BFSP2: variants seen among roughly 807,000 people sequenced by gnomAD.
BFSP2 encodes the protein phakinin.
A neutral mutation model predicts 44.9 loss-of-function variants in BFSP2; 38 were observed. The ratio of observed to expected loss-of-function variants is 0.85; its 90% CI spans 0.65 to 1.11. BFSP2 has a LOEUF of 1.11. Ranked by LOEUF, BFSP2 falls within the 50% of genes least tolerant of loss-of-function variation. The probability of loss-of-function intolerance (pLI) is 0.00; values close to 1 mark genes in which losing one functional copy is unlikely to be tolerated. For synonymous variants in BFSP2, 197 were observed against 209.9 expected (o/e 0.94, Z 0.53); for missense variants, 525 against 533.0 (o/e 0.99, Z 0.15).
At chr3:133,412,760 C>T (rs918622739) in intron 1 of BFSP2, among the ~76,000 whole-genome samples, 4 of 152,220 alleles carry the variant, frequency 2.6e-5, no homozygotes, top group African/African-American at 4.8e-5. Context: ...GTTCAAGAAA[C>T]GGCCGGTGGT....
At chr3:133,435,679 T>A (rs1037177097) in intron 1 of BFSP2, among the ~76,000 whole-genome samples, 5 of 152,256 alleles carry the variant, frequency 3.3e-5, no homozygotes, top group Non-Finnish European at 7.3e-5. Flanking sequence ...TGGTGTCAGC[T>A]ATTCTTTCTG....
chr3:133,462,040 T>C (rs529545834), intron 4 of BFSP2, among the ~76,000 whole-genome samples: 1 of 131,558 alleles, frequency 7.6e-6, no homozygotes, highest in East Asian at 2.3e-4. Context: ...TGCAGCGATC[T>C]AGAATTTTGC....
chr3:133,411,337 G>A (rs1294619384), intron 1 of BFSP2, among the ~76,000 whole-genome samples: 1 of 151,676 alleles, frequency 6.6e-6, no homozygotes, highest in African/African-American at 2.4e-5. Context: ...AATAAAGAGA[G>A]GAATTATCTT....
chr3:133,469,273 C>G (rs2074140603), intron 5 of BFSP2, among the ~76,000 whole-genome samples: 1 of 152,230 alleles, frequency 6.6e-6, no homozygotes, highest in South Asian at 2.1e-4. Flanking sequence ...AGGTAACAAA[C>G]TCTCATACAG....
chr3:133,421,915 T>C (rs974320023), intron 1 of BFSP2, among the ~76,000 whole-genome samples: 2 of 152,006 alleles, frequency 1.3e-5, no homozygotes, highest in East Asian at 3.9e-4. Context: ...AAGACCATCC[T>C]GGCCTACGTG....
intron 1 of BFSP2, among the ~76,000 whole-genome samples, chr3:133,416,293 A>C (rs1576562881): frequency 1.0e-5 from 1 of 99,848 alleles, no homozygotes. Flanking sequence ...TCTGCCCTCT[A>C]CTCAACTCTG....
At chr3:133,460,274 C>T (rs2074050355) in intron 4 of BFSP2, among the ~76,000 whole-genome samples, 1 of 152,148 alleles carries the variant, frequency 6.6e-6, no homozygotes. Flanking sequence ...AACTGAAGCA[C>T]AAAGAGGTTA....
At chr3:133,451,886 A>C (rs752649582) in intron 4 of BFSP2, among the ~76,000 whole-genome samples, 54 of 152,308 alleles carry the variant, frequency 3.5e-4, no homozygotes, top group Non-Finnish European at 6.2e-4. Flanking sequence ...CCCATTTCTG[A>C]CTTTGTAATC....
At chr3:133,428,493 AG>A (rs2073675662) in intron 1 of BFSP2, among the ~76,000 whole-genome samples, 1 of 151,122 alleles carries the variant, frequency 6.6e-6, no homozygotes, top group African/African-American at 2.4e-5. Context: ...AAAAAAAAAA[AG>A]AGGATGGGTC....
At chr3:133,441,809 C>T (rs6806342) in intron 1 of BFSP2, among the ~76,000 whole-genome samples, 6,479 of 152,232 alleles carry the variant, frequency 0.043, 163 homozygotes, top group Middle Eastern at 0.085. Flanking sequence ...ATTGATAATA[C>T]AAGCTTTGGT....
chr3:133,426,561 C>T (rs536837355), intron 1 of BFSP2, among the ~76,000 whole-genome samples: 20 of 152,338 alleles, frequency 1.3e-4, no homozygotes, highest in African/African-American at 4.8e-4. Context: ...ACGATATTCC[C>T]ATGAGTCCTT....
chr3:133,455,450 A>G (rs1315492380), intron 4 of BFSP2: 1 of 152,144 alleles, frequency 6.6e-6, no homozygotes, highest in Non-Finnish European at 1.5e-5. Context: ...CATTTACAAC[A>G]TGGCTGTTTG....
intron 4 of BFSP2, 74 bp from the exon 5 acceptor site, chr3:133,466,754 A>T (rs551256033): frequency 3.9e-5 from 58 of 1,480,276 alleles, no homozygotes; most frequent in Non-Finnish European, 4.9e-5. Flanking sequence ...AGTGGTGATT[A>T]GAAAGGCTGG....
At chr3:133,468,706 C>A (rs896595148) in intron 5 of BFSP2, among the ~76,000 whole-genome samples, 1 of 152,122 alleles carries the variant, frequency 6.6e-6, no homozygotes, top group Non-Finnish European at 1.5e-5. Context: ...TCACTTATAC[C>A]ACATTCTAGT....
chr3:133,410,700 G>T, intron 1 of BFSP2: 1 of 254,506 alleles, frequency 3.9e-6, no homozygotes, highest in Non-Finnish European at 8.1e-6. Flanking sequence ...GGAGTCCGTG[G>T]GCGGACAGGA....
At position 133,421,103 on chromosome 3, in the gene BFSP2, C is replaced by G. The variant is rs865980502; in HGVS notation, c.489+20531C>G. 5.9e-5 allele frequency among the ~76,000 whole-genome samples: 9 copies of G among 152,086 alleles called. No homozygotes were observed. In the South Asian group the frequency reaches 1.9e-3, roughly 32 times the overall value. ...AAAGTATGCGTCGGGAAGGGAGGAACCTGTCCTCTCTGGCTCCTGCTGTTT... is the reference window on the plus strand; with the variant it reads ...AAAGTATGCGTCGGGAAGGGAGGAAGCTGTCCTCTCTGGCTCCTGCTGTTT... On this transcript the variant is annotated intron_variant, in intron 1 of 6. Coordinates refer to ENST00000302334, the MANE Select transcript of BFSP2 (RefSeq NM_003571.4).
intron 1 of BFSP2, among the ~76,000 whole-genome samples, chr3:133,425,780 AAAGGGAAGGGAAGGGAAGGGAAGAAGGG>A (rs1437928351): frequency 9.3e-6 from 1 of 107,762 alleles, no homozygotes; most frequent in East Asian, 2.2e-4. Context: ...AGGGAAAGGG[AAAGGGAAGGGAAGGGAAGGGAAGAAGGG>A]AAGGGAAGGG....
At chr3:133,441,367 A>G (rs951849680) in intron 1 of BFSP2, among the ~76,000 whole-genome samples, 3 of 152,164 alleles carry the variant, frequency 2.0e-5, no homozygotes, top group African/African-American at 7.2e-5. Context: ...CTCAGATGCA[A>G]TCTTAACTCA....
rs1159868948 is a variant in BFSP2, at chr3:133,447,311, C to T, written c.490-6C>T. 1.2e-6 allele frequency: 2 copies of T among 1,613,902 alleles called. No individual in the cohort carries two copies. Among genetic ancestry groups the T allele is most frequent in the South Asian group, 1.1e-5 (1 of 91,058 alleles). The stretch of plus-strand genomic sequence containing the variant: ...TTGTCTCCTTTGGTGTGTGTGATCG[C>T]TCTAGGTGGGTGAGGCAGTCTTGGA... On this transcript the variant is annotated splice_region_variant and splice_polypyrimidine_tract_variant and intron_variant, in intron 1 of 6. Coordinates refer to ENST00000302334, the MANE Select transcript of BFSP2 (RefSeq NM_003571.4).
Sources: allele counts gnomAD v4.1 joint callset (sites outside exome capture counted in the v4.1 genomes callset), GRCh38; gene constraint gnomAD v4.1.1; transcripts MANE v1.5; gene names NCBI Gene and HGNC (gene_info 2026-07-23, HGNC 2026-07-21).